Variants in SMAP1 observed in about 807,000 individuals in gnomAD.
SMAP1 encodes the protein stromal membrane-associated protein 1.
In SMAP1, 24 loss-of-function variants were observed where a neutral mutation model predicts 58.5. The ratio of observed to expected loss-of-function variants is 0.41; its 90% CI spans 0.30 to 0.58. SMAP1 has a LOEUF of 0.58. Ranked by LOEUF, SMAP1 falls within the 20% of genes least tolerant of loss-of-function variation. The pLI is 0.29. For missense variants in SMAP1, 563 were observed against 566.3 expected, an observed-to-expected ratio of 0.99 and a Z score of 0.06; for synonymous variants, 216 against 196.6, an observed-to-expected ratio of 1.10 and a Z score of -0.82.
chr6:70,855,202 T>C (rs1186108406), intron 8 of SMAP1, among the ~76,000 whole-genome samples: 1 of 152,134 alleles, frequency 6.6e-6, no homozygotes, highest in Non-Finnish European at 1.5e-5. Flanking sequence ...TTCGATTAGA[T>C]GCTCTGCAGC....
intron 1 of SMAP1, among the ~76,000 whole-genome samples, chr6:70,692,185 A>G (rs1767198108): frequency 6.6e-6 from 1 of 152,228 alleles, no homozygotes; most frequent in African/African-American, 2.4e-5. Flanking sequence ...TCTGATAATC[A>G]GTGATGTTGA....
At chr6:70,837,721 T>G (rs1770650219) in intron 7 of SMAP1, 1 of 986,172 alleles carries the variant, frequency 1.0e-6, no homozygotes, top group Non-Finnish European at 1.3e-6. Context: ...GATGAAAGGT[T>G]ACTTTTAGTA....
chr6:70,761,793 C>A (rs1439840139), intron 3 of SMAP1, among the ~76,000 whole-genome samples: 1 of 151,994 alleles, frequency 6.6e-6, no homozygotes, highest in Non-Finnish European at 1.5e-5. Context: ...GTTTTATCCC[C>A]ATTTTAAAGG....
chr6:70,765,484 A>C (rs1238651376), intron 3 of SMAP1, among the ~76,000 whole-genome samples: 3 of 152,218 alleles, frequency 2.0e-5, no homozygotes, highest in African/African-American at 7.2e-5. Context: ...AAGTGAGATA[A>C]TTATTTACCC....
chr6:70,729,459 T>TGTGTGTGTGTG (rs1554194434), intron 1 of SMAP1, among the ~76,000 whole-genome samples: 76 of 128,166 alleles, frequency 5.9e-4, no homozygotes, highest in African/African-American at 1.8e-3. Flanking sequence ...AAAAAGAAGG[T>TGTGTGTGTGTG]TGTGTGTGTG....
chr6:70,747,705 T>G (rs759635730), intron 2 of SMAP1, among the ~76,000 whole-genome samples: 1 of 152,176 alleles, frequency 6.6e-6, no homozygotes, highest in Non-Finnish European at 1.5e-5. Flanking sequence ...TCCTGGACTT[T>G]AAGTGGTATG....
At chr6:70,707,944 T>A (rs1767903425) in intron 1 of SMAP1, among the ~76,000 whole-genome samples, 1 of 152,174 alleles carries the variant, frequency 6.6e-6, no homozygotes, top group Non-Finnish European at 1.5e-5. Flanking sequence ...CTTTCCATAG[T>A]CAACATTTTT....
chr6:70,857,568 C>T (rs924487077), intron 9 of SMAP1: 2 of 237,554 alleles, frequency 8.4e-6, no homozygotes, highest in East Asian at 2.1e-4. Flanking sequence ...ATAGTCAGCT[C>T]TCACTTCCCT....
intron 1 of SMAP1, among the ~76,000 whole-genome samples, chr6:70,687,625 G>A (rs1350100510): frequency 6.6e-6 from 1 of 152,068 alleles, no homozygotes; most frequent in Non-Finnish European, 1.5e-5. Flanking sequence ...CATACATAGA[G>A]AAACTATAAT....
chr6:70,730,358 C>T (rs1236700448), intron 1 of SMAP1, among the ~76,000 whole-genome samples: 1 of 152,210 alleles, frequency 6.6e-6, no homozygotes, highest in Non-Finnish European at 1.5e-5. Flanking sequence ...TTCTGGCCCA[C>T]TGCATATCTG....
intron 6 of SMAP1, among the ~76,000 whole-genome samples, chr6:70,808,427 T>C (rs551631988): frequency 1.3e-5 from 2 of 152,222 alleles, no homozygotes; most frequent in African/African-American, 2.4e-5. Flanking sequence ...AACTTTATTT[T>C]TAAAAACAGA....
chr6:70,723,632 C>T (rs1471891147), intron 1 of SMAP1, among the ~76,000 whole-genome samples: 1 of 152,162 alleles, frequency 6.6e-6, no homozygotes, highest in South Asian at 2.1e-4. Flanking sequence ...TTATTGTATA[C>T]TGCCTTCCAT....
chr6:70,747,215 C>T (rs778039942), intron 2 of SMAP1, among the ~76,000 whole-genome samples: 18 of 152,118 alleles, frequency 1.2e-4, no homozygotes, highest in Non-Finnish European at 2.2e-4. Flanking sequence ...ATTGTATTAT[C>T]TGGTCATATG....
chr6:70,808,303 CTT>C (rs999215116), intron 6 of SMAP1, among the ~76,000 whole-genome samples: 13 of 152,166 alleles, frequency 8.5e-5, no homozygotes, highest in Non-Finnish European at 1.8e-4. Flanking sequence ...AATCAGCAAA[CTT>C]TTTTCTGTGA....
chr6:70,859,973 TTAAG>T (rs891516640), intron 10 of SMAP1: 2 of 403,134 alleles, frequency 5.0e-6, no homozygotes, highest in East Asian at 8.6e-5. Flanking sequence ...GTATTTTTTT[TTAAG>T]TAAGTTGTGG....
At chr6:70,673,773 T>C (rs1468308276) in intron 1 of SMAP1, among the ~76,000 whole-genome samples, 1 of 152,240 alleles carries the variant, frequency 6.6e-6, no homozygotes, top group Non-Finnish European at 1.5e-5. Flanking sequence ...AGGTTTTTCC[T>C]GATTGGGCAG....
At chr6:70,807,854 T>G (rs1769205154) in intron 6 of SMAP1, among the ~76,000 whole-genome samples, 1 of 152,112 alleles carries the variant, frequency 6.6e-6, no homozygotes, top group Non-Finnish European at 1.5e-5. Context: ...AATCCTCATA[T>G]AACTTTTGAT....
chr6:70,787,128 G>C (rs1049232796), intron 4 of SMAP1, among the ~76,000 whole-genome samples: 8 of 152,140 alleles, frequency 5.3e-5, no homozygotes, highest in East Asian at 1.9e-4. Flanking sequence ...CAGAACAGAG[G>C]CCTCAGAAAT....
chr6:70,836,342 A>C (rs1315430882), intron 6 of SMAP1, among the ~76,000 whole-genome samples: 1 of 152,012 alleles, frequency 6.6e-6, no homozygotes, highest in African/African-American at 2.4e-5. Context: ...AATACCGTCA[A>C]ATCAACAGCA....
Sources: gnomAD v4.1 joint callset for allele counts (sites outside exome capture counted in the v4.1 genomes callset) on GRCh38, gnomAD v4.1.1 for gene constraint, MANE v1.5 for transcripts, NCBI Gene and HGNC (gene_info 2026-07-23, HGNC 2026-07-21) for gene names.